Variants in FOXN3 observed in about 807,000 individuals in gnomAD.
FOXN3 encodes the protein forkhead box protein N3.
In FOXN3, 7 loss-of-function variants were observed where a neutral mutation model predicts 38.4. That is an observed-to-expected ratio of 0.18 (90% CI 0.10 to 0.34). The LOEUF is 0.34. FOXN3 is among the 10% of genes least tolerant of loss of function. The pLI is 1.00. For missense variants in FOXN3, 456 were observed against 613.4 expected (o/e 0.74, Z 2.71); for synonymous variants, 230 against 242.2 (o/e 0.95, Z 0.47).
In FOXN3 at chr14:89,318,162, C is replaced by CTTTTTTTT. The variant is rs10624729; in HGVS notation, c.680+32502_680+32509dup. 7.8e-5 allele frequency among the ~76,000 whole-genome samples: 10 copies of CTTTTTTTT among 127,488 alleles called. 2 individuals are homozygous for CTTTTTTTT. Among genetic ancestry groups the CTTTTTTTT allele is most frequent in the African/African-American group, 3.0e-4 (10 of 32,870 alleles). 83.6% of individuals were successfully genotyped at this position (127,488 alleles called of 152,430 possible). On this transcript the variant is annotated intron_variant, in intron 3 of 5. Coordinates refer to ENST00000557258, the MANE Select transcript of FOXN3 (RefSeq NM_005197.4). ...TTCTTTTCTTTCTTCTTCTTCTTCT[C>CTTTTTTTT]TTTTTTTTTTTTTGAGGCGGAGTTT...
At chr14:89,348,833 C>T (rs1340805499) in intron 3 of FOXN3, among the ~76,000 whole-genome samples, 1 of 152,178 alleles carries the variant, frequency 6.6e-6, no homozygotes, top group South Asian at 2.1e-4. Context: ...ATGCCTCTCG[C>T]CTGAATATGC....
chr14:89,586,498 T>C (rs745722109), intron 1 of FOXN3, among the ~76,000 whole-genome samples: 8 of 152,204 alleles, frequency 5.3e-5, no homozygotes, highest in Non-Finnish European at 8.8e-5. Flanking sequence ...GAAGATGTCA[T>C]ACTGTCTCCA....
chr14:89,261,800 C>T (rs1347216118), intron 4 of FOXN3, among the ~76,000 whole-genome samples: 4 of 152,120 alleles, frequency 2.6e-5, no homozygotes, highest in Non-Finnish European at 5.9e-5. Context: ...TGGTGACAGG[C>T]GCCTATAGTC....
intron 1 of FOXN3, among the ~76,000 whole-genome samples, chr14:89,613,969 A>C (rs1176304841): frequency 6.6e-6 from 1 of 152,048 alleles, no homozygotes; most frequent in Non-Finnish European, 1.5e-5. Context: ...TCTGCCTGCC[A>C]CCCCTAGAAA....
At chr14:89,392,798 G>T (rs11844284) in intron 2 of FOXN3, among the ~76,000 whole-genome samples, 30 of 119,014 alleles carry the variant, frequency 2.5e-4, no homozygotes, top group African/African-American at 7.9e-4. Context: ...AGACCACCAC[G>T]CCCAGCTAAT....
intron 2 of FOXN3, among the ~76,000 whole-genome samples, chr14:89,387,475 G>A (rs1890824053): frequency 6.6e-6 from 1 of 152,176 alleles, no homozygotes; most frequent in Admixed American, 6.5e-5. Flanking sequence ...CTCATTAACA[G>A]TAATTACCTT....
chr14:89,241,717 G>A (rs1885145319), intron 4 of FOXN3, among the ~76,000 whole-genome samples: 1 of 152,126 alleles, frequency 6.6e-6, no homozygotes, highest in African/African-American at 2.4e-5. Flanking sequence ...CCACGCTCCT[G>A]CCCTCAGTGT....
chr14:89,175,590 T>C (rs537243882), intron 5 of FOXN3, among the ~76,000 whole-genome samples: 4 of 152,278 alleles, frequency 2.6e-5, no homozygotes, highest in East Asian at 3.9e-4. Flanking sequence ...AAATAACACA[T>C]GAGGCAGACA....
intron 4 of FOXN3, among the ~76,000 whole-genome samples, chr14:89,217,831 G>T (rs1421833275): frequency 6.6e-6 from 1 of 152,204 alleles, no homozygotes; most frequent in Non-Finnish European, 1.5e-5. Flanking sequence ...CTGTTTGTGG[G>T]AGCCCTCCCC....
chr14:89,549,809 C>G (rs1387927409), intron 1 of FOXN3, among the ~76,000 whole-genome samples: 1 of 152,226 alleles, frequency 6.6e-6, no homozygotes, highest in East Asian at 1.9e-4. Context: ...GCCCTTTGAT[C>G]TGGATGGAGC....
chr14:89,588,822 G>A (rs77976143), intron 1 of FOXN3, among the ~76,000 whole-genome samples: 2 of 152,198 alleles, frequency 1.3e-5, no homozygotes, highest in South Asian at 4.1e-4. Context: ...ATACCCAGGG[G>A]CAAAGCCAAC....
intron 3 of FOXN3, among the ~76,000 whole-genome samples, chr14:89,339,570 A>G (rs1456503083): frequency 6.6e-6 from 1 of 152,222 alleles, no homozygotes; most frequent in Non-Finnish European, 1.5e-5. Context: ...TCTCTGGGGC[A>G]CTAAAGCTCA....
chr14:89,533,660 TCAA>T (rs1257693897), intron 1 of FOXN3, among the ~76,000 whole-genome samples: 2 of 28,202 alleles, frequency 7.1e-5, no homozygotes, highest in African/African-American at 1.8e-4. Context: ...AGACTCTGTC[TCAA>T]AAAAAAAAAA....
chr14:89,197,547 T>C (rs1448696680), intron 4 of FOXN3, among the ~76,000 whole-genome samples: 1 of 150,524 alleles, frequency 6.6e-6, no homozygotes, highest in African/African-American at 2.4e-5. Context: ...ATACATACAC[T>C]AGGGTGTTCC....
intron 1 of FOXN3, among the ~76,000 whole-genome samples, chr14:89,555,217 C>A (rs1024371890): frequency 1.3e-5 from 2 of 152,280 alleles, no homozygotes; most frequent in Non-Finnish European, 1.5e-5. Flanking sequence ...AGCTGCCTTA[C>A]ACTGTACAAG....
intron 2 of FOXN3, among the ~76,000 whole-genome samples, chr14:89,365,995 T>C (rs1890130557): frequency 6.6e-6 from 1 of 152,210 alleles, no homozygotes; most frequent in South Asian, 2.1e-4. Context: ...CTCACGACTG[T>C]AATCCCAGCA....
intron 5 of FOXN3, among the ~76,000 whole-genome samples, chr14:89,168,591 T>TAG (rs1394920934): frequency 6.6e-6 from 1 of 151,496 alleles, no homozygotes; most frequent in Non-Finnish European, 1.5e-5. Context: ...GACACAGAGA[T>TAG]AGAGAATATG....
intron 1 of FOXN3, among the ~76,000 whole-genome samples, chr14:89,566,943 T>C (rs1195083913): frequency 2.0e-5 from 3 of 151,104 alleles, no homozygotes; most frequent in Non-Finnish European, 4.4e-5. Flanking sequence ...TTTTTTCCTC[T>C]AAGGTGGGAA....
chr14:89,462,773 C>T (rs982582681), intron 1 of FOXN3, among the ~76,000 whole-genome samples: 36 of 151,830 alleles, frequency 2.4e-4, no homozygotes, highest in African/African-American at 8.7e-4. Flanking sequence ...CAACCTCTGC[C>T]TCCTGGGTTC....
Sources: allele counts gnomAD v4.1 joint callset (sites outside exome capture counted in the v4.1 genomes callset), GRCh38; gene constraint gnomAD v4.1.1; transcripts MANE v1.5; gene names NCBI Gene and HGNC (gene_info 2026-07-23, HGNC 2026-07-21).